NLRP7: variants seen among roughly 807,000 people sequenced by gnomAD.
NLRP7 encodes NLR family pyrin domain containing 7, also known as NACHT, LRR and PYD domains-containing protein 7.
In NLRP7, 72 loss-of-function variants were observed where a neutral mutation model predicts 85.5. That is an observed-to-expected ratio of 0.84 (90% CI 0.70 to 1.02). The LOEUF is 1.02. NLRP7 is among the 50% of genes least tolerant of loss of function. NLRP7 has a pLI of 0.00. For synonymous variants in NLRP7, 550 were observed against 505.2 expected (o/e 1.09, Z -1.19); for missense variants, 1,243 against 1,219.5 (o/e 1.02, Z -0.29).
rs1188980890 is a variant in NLRP7, at chr19:54,939,064, C to T, written c.1755G>A (p.Lys585=). 6.2e-6 allele frequency: 10 copies of T among 1,614,214 alleles called. No individual in the cohort carries two copies. The East Asian group carries it at 1.8e-4, about 29-fold the overall frequency. ...TTTCCTTGAACGGGGCCACCACCACCTTCGCCAGCTCCTCCTCCTGAGACT... is the reference window on the plus strand; with the variant it reads ...TTTCCTTGAACGGGGCCACCACCACTTTCGCCAGCTCCTCCTCCTGAGACT... The change falls in exon 4 of 10, where the codon AAG becomes AAA. Residue 585 remains lysine (K), a synonymous_variant. Transcript: ENST00000340844.
chr19:54,932,858 T>C (rs573063904), intron 8 of NLRP7, among the ~76,000 whole-genome samples: 1 of 152,186 alleles, frequency 6.6e-6, no homozygotes, highest in South Asian at 2.1e-4. Context: ...GTTTTCACCA[T>C]GTTGGCCAGG....
At chr19:54,925,982 A>C (rs1368669383) in intron 9 of NLRP7, among the ~76,000 whole-genome samples, 3 of 151,906 alleles carry the variant, frequency 2.0e-5, no homozygotes, top group Non-Finnish European at 4.4e-5. Flanking sequence ...CCTGGGCGAC[A>C]GAGACTGGAG....
At chr19:54,959,372 T>C (rs1295506399) in intron 1 of NLRP7, among the ~76,000 whole-genome samples, 3 of 150,608 alleles carry the variant, frequency 2.0e-5, no homozygotes, top group African/African-American at 7.3e-5. Flanking sequence ...CTCCTGACCT[T>C]GTGATCCACC....
At chr19:54,955,976 T>G (rs190194349) in intron 1 of NLRP7, among the ~76,000 whole-genome samples, 1 of 145,062 alleles carries the variant, frequency 6.9e-6, no homozygotes, top group African/African-American at 2.5e-5. Flanking sequence ...CAAAAATAAA[T>G]AAATAAATAA....
At chr19:54,948,346 T>A (rs767717659), upstream of NLRP7, among the ~76,000 whole-genome samples, 1 of 152,008 alleles carries the variant, frequency 6.6e-6, no homozygotes, top group Non-Finnish European at 1.5e-5. Flanking sequence ...ATCACGCCAT[T>A]GCACTCCAGC....
Position 54,930,662 on chromosome 19 carries a change from G to A in NLRP7, c.2647C>T (p.Gln883Ter), listed in dbSNP as rs755890731. ...CCAAGCTTGGTTATGCTGCATTGCT[G>A]TAACCTACAGGATAATCAAAGGAAG... Residue 883 changes from glutamine (Q) to a stop codon, truncating the protein, a stop_gained, in exon 9 of 10, where the codon CAG (glutamine) becomes TAG (stop). Coordinates refer to ENST00000340844, the Ensembl canonical transcript of NLRP7. LOFTEE classifies it high-confidence loss of function. The A allele has an allele frequency of 6.2e-7, 1 of 1,613,106 alleles. No homozygotes were observed. The highest frequency in any genetic ancestry group is 1.1e-5 in the South Asian group (1 of 91,072).
intron 1 of NLRP7, among the ~76,000 whole-genome samples, chr19:54,962,787 G>C (rs998239753): frequency 1.9e-4 from 29 of 150,126 alleles, no homozygotes; most frequent in African/African-American, 5.8e-4. Context: ...TTTTAGTAGA[G>C]ACGGGGTTTC....
At chr19:54,962,600 TTTTG>T (rs1263735036) in intron 1 of NLRP7, among the ~76,000 whole-genome samples, 24 of 147,656 alleles carry the variant, frequency 1.6e-4, no homozygotes, top group Non-Finnish European at 2.8e-4. Flanking sequence ...TTTCTTTCTT[TTTTG>T]TTTGTTTGTT....
At position 54,934,416 on chromosome 19, in the gene NLRP7, A is replaced by G; in HGVS notation, c.2471+73T>C. 1 of 1,493,854 alleles carries G rather than the reference A, an allele frequency of 6.7e-7. No individual in the cohort carries two copies. The highest frequency in any genetic ancestry group is 1.1e-5 in the South Asian group (1 of 88,710). 92.5% of individuals were successfully genotyped at this position (1,493,854 alleles called of 1,614,324 possible). A position where few individuals can be genotyped will look rare whatever the true frequency, so the allele number is the denominator to read the frequency against. On this transcript the variant is annotated intron_variant, in intron 7 of 9. Transcript: ENST00000340844. The surrounding 1 kb of genome is among the most constrained non-coding windows in gnomAD (Gnocchi z 6.7). Reference sequence around the variant, plus strand: ...GAGGCGCCACGTGGGTGGCGCAGTAAGTCAGGTGTTACCCTTTCTCTTCTA... The same window carrying G: ...GAGGCGCCACGTGGGTGGCGCAGTAGGTCAGGTGTTACCCTTTCTCTTCTA...
chr19:54,938,351 A>G (rs2069035649), intron 4 of NLRP7, 110 bp from the exon 5 acceptor site: 2 of 833,900 alleles, frequency 2.4e-6, no homozygotes, highest in South Asian at 1.4e-5. Context: ...GCACCAACCT[A>G]AAACAGTGTC....
At chr19:54,924,285 A>C (rs1230864568) in intron 9 of NLRP7, among the ~76,000 whole-genome samples, 1 of 152,156 alleles carries the variant, frequency 6.6e-6, no homozygotes, top group Non-Finnish European at 1.5e-5. Flanking sequence ...TTTTCTAAAA[A>C]GAAATTTAGA....
intron 1 of NLRP7, among the ~76,000 whole-genome samples, chr19:54,964,091 G>A (rs1232220263): frequency 1.3e-5 from 2 of 150,482 alleles, no homozygotes; most frequent in Non-Finnish European, 3.0e-5. Context: ...ATCTTGGCCA[G>A]GCTGGTCTTG....
intron 1 of NLRP7, among the ~76,000 whole-genome samples, chr19:54,945,188 A>C (rs1315070513): frequency 6.8e-6 from 1 of 146,398 alleles, no homozygotes; most frequent in African/African-American, 2.5e-5. Flanking sequence ...GCTTGCAGTG[A>C]GCCAAGATCG....
upstream of NLRP7, chr19:54,947,561 A>C: frequency 7.8e-7 from 1 of 1,289,632 alleles, no homozygotes; most frequent in South Asian, 1.2e-5. Flanking sequence ...CGCTAGGTGG[A>C]GAGACAGCTT....
chr19:54,959,927 C>T (rs1435865832), intron 1 of NLRP7, among the ~76,000 whole-genome samples: 3 of 151,994 alleles, frequency 2.0e-5, no homozygotes, highest in South Asian at 4.2e-4. Flanking sequence ...CAGAAGCAGG[C>T]AATGTACACA....
chr19:54,938,852 T>TC, intron 4 of NLRP7, 36 bp downstream of exon 4: 1 of 1,610,852 alleles, frequency 6.2e-7, no homozygotes, highest in Non-Finnish European at 8.5e-7. Context: ...GCTGGCCTCT[T>TC]CCTAGTGGAG....
intron 9 of NLRP7, among the ~76,000 whole-genome samples, chr19:54,926,917 A>T (rs1336602292): frequency 9.7e-5 from 2 of 20,532 alleles, no homozygotes. Context: ...CTCTGTCTTT[A>T]AAAAAAAAAA....
At chr19:54,939,915 G>A (rs763024128) in exon 4 of NLRP7, 5 of 1,614,004 alleles carry the variant, frequency 3.1e-6, no homozygotes, top group African/African-American at 2.7e-5. Flanking sequence ...GCCCTGGGCC[G>A]CGTGGTGACC....
chr19:54,929,319 C>T (rs557791461), intron 9 of NLRP7, among the ~76,000 whole-genome samples: 7 of 152,108 alleles, frequency 4.6e-5, no homozygotes, highest in African/African-American at 1.7e-4. Context: ...GAGCCAAGAT[C>T]GCACCACTGC....
Sources: gnomAD v4.1 joint callset for allele counts (sites outside exome capture counted in the v4.1 genomes callset) on GRCh38, gnomAD v4.1.1 for gene constraint, Gnocchi (gnomAD v3.1) non-coding constraint, MANE v1.5 for transcripts, NCBI Gene and HGNC (gene_info 2026-07-23, HGNC 2026-07-21) for gene names.